The following ANKRD17 variants were observed in gnomAD, a reference collection of about 807,000 sequenced individuals.
ANKRD17 encodes the protein ankyrin repeat domain 17, also known as ankyrin repeat domain-containing protein 17.
ANKRD17 carries 19 observed loss-of-function variants against 229.7 expected under a neutral mutation model. That is an observed-to-expected ratio of 0.08 (90% CI 0.06 to 0.12). The LOEUF is 0.12. ANKRD17 is among the 10% of genes least tolerant of loss of function. ANKRD17 has a pLI of 1.00. For missense variants in ANKRD17, 2,176 were observed against 3,176.8 expected (o/e 0.68, Z 7.57); for synonymous variants, 1,112 against 1,146.1 (o/e 0.97, Z 0.60).
At chr4:73,187,551 A>G (rs113286214) in intron 1 of ANKRD17, among the ~76,000 whole-genome samples, 40 of 152,326 alleles carry the variant, frequency 2.6e-4, no homozygotes, top group African/African-American at 8.9e-4. Context: ...CTCCATTTAC[A>G]TAGGACATAC....
At chr4:73,184,215 T>G (rs1348150229) in intron 1 of ANKRD17, among the ~76,000 whole-genome samples, 1 of 152,190 alleles carries the variant, frequency 6.6e-6, no homozygotes, top group Non-Finnish European at 1.5e-5. Flanking sequence ...TAAACTCGTA[T>G]TTATTCCAAA....
intron 1 of ANKRD17, 149 bp downstream of exon 1, chr4:73,258,127 T>G: frequency 7.0e-7 from 1 of 1,423,928 alleles, no homozygotes; most frequent in Non-Finnish European, 9.4e-7. Context: ...CCTCACGATT[T>G]AGGCCGAGGG....
At chr4:73,114,840 C>G (rs2148665407) in intron 23 of ANKRD17, among the ~76,000 whole-genome samples, 1 of 152,188 alleles carries the variant, frequency 6.6e-6, no homozygotes, top group South Asian at 2.1e-4. Context: ...CATAAGAAGA[C>G]ATTTTTAAGA....
rs1247738751 is a variant in ANKRD17 at position 73,120,969 on chromosome 4, G to C, written c.3761C>G (p.Thr1254Ser). ...TTGGAAGCAGGCTAAAGTAAGGGCA[G>C]TGTTCCGATTGGTTTCTATCTGAGC... The part of the protein sequence containing the change: ...INAQIETNRN[T>S]ALTLACFQGR... The change falls in exon 20 of 34, where the codon ACT becomes AGT. Residue 1254 changes from threonine (T) to serine (S), a missense_variant. Thr to Ser is a moderately conservative substitution (Grantham distance 58). This residue lies in a region of ANKRD17 where 178 missense variants were observed against 421.7 expected (regional missense o/e 0.42). Coordinates refer to ENST00000358602, the MANE Select transcript of ANKRD17 (RefSeq NM_032217.5). 1.9e-6 allele frequency: 3 copies of C among 1,613,770 alleles called. No individual in the cohort carries two copies. Among genetic ancestry groups the C allele is most frequent in the Non-Finnish European group, 2.5e-6 (3 of 1,179,918 alleles).
chr4:73,084,338 T>C (rs1226574398), intron 30 of ANKRD17, among the ~76,000 whole-genome samples: 3 of 152,064 alleles, frequency 2.0e-5, no homozygotes, highest in Non-Finnish European at 4.4e-5. Context: ...TGAGACTCCA[T>C]TTCAAATAAA....
intron 1 of ANKRD17, among the ~76,000 whole-genome samples, chr4:73,182,048 C>T (rs1208628906): frequency 4.4e-5 from 2 of 45,364 alleles, no homozygotes; most frequent in Non-Finnish European, 7.6e-5. Context: ...ACTCCGTCCC[C>T]ACCAAAAAAA....
chr4:73,095,958 G>A (rs560441854), intron 27 of ANKRD17, among the ~76,000 whole-genome samples: 1 of 152,068 alleles, frequency 6.6e-6, no homozygotes, highest in African/African-American at 2.4e-5. Context: ...CCAAAATGCT[G>A]GGATTATAGA....
chr4:73,215,244 C>G (rs1740854731), intron 1 of ANKRD17, among the ~76,000 whole-genome samples: 1 of 151,592 alleles, frequency 6.6e-6, no homozygotes, highest in Non-Finnish European at 1.5e-5. Flanking sequence ...TCTGAGAACA[C>G]TGATGCTGTT....
At chr4:73,142,577 T>C in intron 12 of ANKRD17, 63 bp downstream of exon 12, 1 of 1,611,738 alleles carries the variant, frequency 6.2e-7, no homozygotes, top group Non-Finnish European at 8.5e-7. Context: ...CATGATATGT[T>C]GTAACAATGA....
chr4:73,121,909 T>C (rs1427518320), intron 18 of ANKRD17, 150 bp from the exon 19 acceptor site: 15 of 710,246 alleles, frequency 2.1e-5, no homozygotes, highest in Non-Finnish European at 2.8e-5. Flanking sequence ...CCTCTAATGA[T>C]AGCAGGAGGT....
At chr4:73,171,823 G>C (rs1734080103) in intron 2 of ANKRD17, among the ~76,000 whole-genome samples, 1 of 152,096 alleles carries the variant, frequency 6.6e-6, no homozygotes, top group African/African-American at 2.4e-5. Context: ...TCAAGCGGAA[G>C]AAAGAATTAG....
intron 15 of ANKRD17, among the ~76,000 whole-genome samples, chr4:73,137,092 G>T (rs577329432): frequency 2.7e-5 from 4 of 150,046 alleles, no homozygotes; most frequent in Non-Finnish European, 5.9e-5. Flanking sequence ...TATAAAATTG[G>T]TTTACTAAAA....
At chr4:73,121,813 A>T (rs1284266565) in intron 18 of ANKRD17, 54 bp from the exon 19 acceptor site, 2 of 1,512,234 alleles carry the variant, frequency 1.3e-6, no homozygotes, top group African/African-American at 2.8e-5. Context: ...AAATTACCAA[A>T]GTGTGTATTT....
chr4:73,146,384 C>T (rs1270570520), intron 10 of ANKRD17, among the ~76,000 whole-genome samples: 1 of 151,902 alleles, frequency 6.6e-6, no homozygotes, highest in Non-Finnish European at 1.5e-5. Flanking sequence ...TAATAATGTT[C>T]TGAATATTGT....
chr4:73,184,736 A>G (rs1255323108), intron 1 of ANKRD17, among the ~76,000 whole-genome samples: 1 of 152,114 alleles, frequency 6.6e-6, no homozygotes, highest in East Asian at 1.9e-4. Flanking sequence ...AGGCAACTCT[A>G]TGTGCAAATA....
chr4:73,124,517 T>C (rs1727181079), intron 18 of ANKRD17, among the ~76,000 whole-genome samples: 1 of 152,106 alleles, frequency 6.6e-6, no homozygotes, highest in South Asian at 2.1e-4. Context: ...CACATAAAAA[T>C]TGAATATTCT....
At chr4:73,131,916 G>A (rs1469138744) in intron 16 of ANKRD17, among the ~76,000 whole-genome samples, 1 of 151,918 alleles carries the variant, frequency 6.6e-6, no homozygotes, top group African/African-American at 2.4e-5. Flanking sequence ...TAGCAATCTT[G>A]GTATTAATTT....
At chr4:73,116,004 AG>A in intron 22 of ANKRD17, 88 bp from the exon 23 acceptor site, 1 of 1,062,182 alleles carries the variant, frequency 9.4e-7, no homozygotes, top group Non-Finnish European at 1.4e-6. Flanking sequence ...AGTTAAGATT[AG>A]GGCCACAAAG....
At chr4:73,090,210 G>A (rs1391679923) in intron 29 of ANKRD17, among the ~76,000 whole-genome samples, 1 of 152,264 alleles carries the variant, frequency 6.6e-6, no homozygotes, top group Admixed American at 6.5e-5. Flanking sequence ...GAGAGTTCGA[G>A]ACCAGCTTGG....
Sources: allele counts gnomAD v4.1 joint callset (sites outside exome capture counted in the v4.1 genomes callset), GRCh38; gene constraint gnomAD v4.1.1; regional missense constraint gnomAD v4.1.1; transcripts MANE v1.5; gene names NCBI Gene and HGNC (gene_info 2026-07-23, HGNC 2026-07-21).